The following AFG2A variants were observed in gnomAD, a reference collection of about 807,000 sequenced individuals.
The protein encoded by AFG2A is AAA ATPase AFG2A.
chr4:123,064,802 G>T, the AFG2A span, among the ~76,000 whole-genome samples: 1 of 152,138 alleles, frequency 6.6e-6, no homozygotes, highest in Admixed American at 6.5e-5. Flanking sequence ...AACAGATTTG[G>T]AACTAGGAAC....
At chr4:123,041,553 C>T in the AFG2A span, among the ~76,000 whole-genome samples, 62,400 of 151,462 alleles carry the variant, frequency 0.41, 15,634 homozygotes, top group Non-Finnish European at 0.55. Flanking sequence ...TTTTTTGAGA[C>T]GGAGTTTCGC....
chr4:123,146,833 G>A, the AFG2A span, among the ~76,000 whole-genome samples: 1 of 152,082 alleles, frequency 6.6e-6, no homozygotes. Flanking sequence ...AGCGCACAGG[G>A]TTTGAGTTCG....
chr4:123,090,271 A>G, the AFG2A span, among the ~76,000 whole-genome samples: 10 of 152,164 alleles, frequency 6.6e-5, no homozygotes, highest in African/African-American at 2.4e-4. Context: ...ACAATTCTCT[A>G]TGTATTTGAT....
At chr4:122,946,627 A>C in the AFG2A span, among the ~76,000 whole-genome samples, 3 of 151,806 alleles carry the variant, frequency 2.0e-5, no homozygotes, top group Non-Finnish European at 4.4e-5. Flanking sequence ...ATAGTTCTTT[A>C]TTATTTGGTT....
At chr4:123,129,851 T>G in the AFG2A span, among the ~76,000 whole-genome samples, 1 of 152,084 alleles carries the variant, frequency 6.6e-6, no homozygotes, top group South Asian at 2.1e-4. Context: ...CAGTTCAACA[T>G]GTTTTTAAAT....
At chr4:123,261,314 C>G in the AFG2A span, among the ~76,000 whole-genome samples, 1 of 152,040 alleles carries the variant, frequency 6.6e-6, no homozygotes, top group Non-Finnish European at 1.5e-5. Flanking sequence ...TATCTGTGCC[C>G]CAGAATTTCA....
chr4:123,253,841 T>C, the AFG2A span, among the ~76,000 whole-genome samples: 1 of 152,210 alleles, frequency 6.6e-6, no homozygotes. Flanking sequence ...ACAGTGTATG[T>C]AATTTCTAGT....
At chr4:123,112,371 T>TA in the AFG2A span, among the ~76,000 whole-genome samples, 1 of 152,190 alleles carries the variant, frequency 6.6e-6, no homozygotes, top group Non-Finnish European at 1.5e-5. Flanking sequence ...TTCTTGGGAT[T>TA]AAAATTCAAG....
the AFG2A span, among the ~76,000 whole-genome samples, chr4:122,965,889 G>T: frequency 3.3e-5 from 5 of 152,064 alleles, no homozygotes; most frequent in Non-Finnish European, 7.4e-5. Context: ...TAGCATCATA[G>T]AATTTTAAGT....
At chr4:123,056,485 A>G in the AFG2A span, 1 of 1,533,976 alleles carries the variant, frequency 6.5e-7, no homozygotes, top group Non-Finnish European at 8.9e-7. Flanking sequence ...GGAGAATCAC[A>G]CTTCTGTCCT....
the AFG2A span, among the ~76,000 whole-genome samples, chr4:123,311,655 A>AAAG: frequency 2.1e-5 from 3 of 145,706 alleles, no homozygotes; most frequent in African/African-American, 5.2e-5. Context: ...AAAAAAAAAA[A>AAAG]AGAGAGAGAA....
the AFG2A span, among the ~76,000 whole-genome samples, chr4:123,291,504 G>C: frequency 6.6e-6 from 1 of 152,126 alleles, no homozygotes; most frequent in African/African-American, 2.4e-5. Flanking sequence ...ATCTCTTGTA[G>C]GGCTGGTCAA....
the AFG2A span, among the ~76,000 whole-genome samples, chr4:123,223,370 A>G: frequency 2.0e-5 from 3 of 152,134 alleles, no homozygotes; most frequent in African/African-American, 4.8e-5. Flanking sequence ...TCCTTAGCCC[A>G]TTTTTAATTT....
chr4:123,278,649 T>C, the AFG2A span, among the ~76,000 whole-genome samples: 1 of 152,198 alleles, frequency 6.6e-6, no homozygotes, highest in African/African-American at 2.4e-5. Flanking sequence ...TCAGGTATGT[T>C]GTATCTTTGT....
At chr4:123,293,989 G>T in the AFG2A span, among the ~76,000 whole-genome samples, 2 of 152,218 alleles carry the variant, frequency 1.3e-5, no homozygotes, top group African/African-American at 4.8e-5. Flanking sequence ...TTTGGGCTAT[G>T]ATTATTCACC....
the AFG2A span, among the ~76,000 whole-genome samples, chr4:123,117,826 C>T: frequency 6.6e-6 from 1 of 151,006 alleles, no homozygotes; most frequent in African/African-American, 2.4e-5. Flanking sequence ...TGTATTCTGT[C>T]ACCACCAAAA....
the AFG2A span, among the ~76,000 whole-genome samples, chr4:123,297,588 G>A: frequency 8.6e-5 from 13 of 151,984 alleles, no homozygotes; most frequent in Admixed American, 4.6e-4. Flanking sequence ...ATGTGGTGGC[G>A]GGCGCCTGTA....
the AFG2A span, among the ~76,000 whole-genome samples, chr4:123,173,207 A>C: frequency 3.9e-5 from 6 of 152,130 alleles, no homozygotes; most frequent in African/African-American, 9.7e-5. Flanking sequence ...CCAGGATACT[A>C]TCTGGCTAAT....
chr4:123,025,420 G>A, the AFG2A span, among the ~76,000 whole-genome samples: 4 of 152,146 alleles, frequency 2.6e-5, no homozygotes, highest in African/African-American at 9.7e-5. Context: ...ACTGTATTTT[G>A]GGGAGAGTTG....
Sources: gnomAD v4.1 joint callset for allele counts (sites outside exome capture counted in the v4.1 genomes callset) on GRCh38, gnomAD v4.1.1 for gene constraint, MANE v1.5 for transcripts, NCBI Gene and HGNC (gene_info 2026-07-23, HGNC 2026-07-21) for gene names.